The following RAB31 variants were observed in gnomAD, a reference collection of about 807,000 sequenced individuals.
The protein encoded by RAB31 is RAB31, member RAS oncogene family.
In RAB31, 21 loss-of-function variants were observed where a neutral mutation model predicts 25.6. The observed-to-expected ratio is 0.82, with a 90% CI of 0.58 to 1.18. The LOEUF (loss-of-function observed/expected upper bound fraction) is 1.18, where lower values mean the gene tolerates loss of function less well. RAB31 is among the 50% of genes most tolerant of loss of function. The pLI is 0.00. For missense variants in RAB31, 196 were observed against 250.1 expected (o/e 0.78, Z 1.46); for synonymous variants, 87 against 84.0 (o/e 1.04, Z -0.20).
At chr18:9,822,866 A>ATGC (rs2068630712) in intron 5 of RAB31, among the ~76,000 whole-genome samples, 2 of 152,344 alleles carry the variant, frequency 1.3e-5, no homozygotes, top group South Asian at 4.1e-4. Context: ...TTTCTTATAA[A>ATGC]ACTAAACGTG....
intron 5 of RAB31, among the ~76,000 whole-genome samples, chr18:9,844,360 G>C (rs555883503): frequency 1.4e-4 from 22 of 152,312 alleles, no homozygotes; most frequent in African/African-American, 5.3e-4. Context: ...CCGGGAATGT[G>C]TGCACTCTCC....
chr18:9,721,753 C>T (rs1263434050), intron 1 of RAB31, among the ~76,000 whole-genome samples: 2 of 152,070 alleles, frequency 1.3e-5, no homozygotes, highest in African/African-American at 4.8e-5. Context: ...ACAACATGGA[C>T]TGTCCCTGAC....
intron 1 of RAB31, among the ~76,000 whole-genome samples, chr18:9,747,697 G>T (rs1202756464): frequency 1.3e-5 from 2 of 152,210 alleles, no homozygotes; most frequent in African/African-American, 2.4e-5. Context: ...ATTGCCAGGG[G>T]TGGAGAAGGG....
At chr18:9,758,624 C>A (rs1335089673) in intron 1 of RAB31, among the ~76,000 whole-genome samples, 6 of 152,094 alleles carry the variant, frequency 3.9e-5, no homozygotes, top group African/African-American at 1.2e-4. Flanking sequence ...ATGCTACTTC[C>A]CAGTTTACTT....
Position 9,858,837 on chromosome 18 carries a change from G to A in RAB31, c.491-391G>A, listed in dbSNP as rs549068904. Among the ~76,000 whole-genome samples the A allele has an allele frequency of 7.9e-5, 12 of 152,162 alleles. No homozygotes were observed. In the East Asian group the frequency reaches 1.3e-3, roughly 17 times the overall value. On this transcript the variant is annotated intron_variant, in intron 6 of 6. Coordinates refer to ENST00000578921, the MANE Select transcript of RAB31 (RefSeq NM_006868.4). ...TACTCACTGTTACTGTTGAAGTCAC[G>A]GTACCATGAAAGCCGCTCATTAAAC...
At chr18:9,809,538 T>C (rs2068560146) in intron 3 of RAB31, among the ~76,000 whole-genome samples, 1 of 152,168 alleles carries the variant, frequency 6.6e-6, no homozygotes, top group Non-Finnish European at 1.5e-5. Flanking sequence ...GAAACCTTTT[T>C]TCCTGGCCAC....
intron 5 of RAB31, chr18:9,844,867 TGTTTTGTTTTGTTTGAGACGGA>T (rs2068752738): frequency 1.2e-4 from 9 of 77,524 alleles, no homozygotes; most frequent in Non-Finnish European, 2.1e-4. Context: ...TGTTTTGTTT[TGTTTTGTTTTGTTTGAGACGGA>T]GTCTTGCTCT....
rs183173765 is a variant in RAB31, at chr18:9,732,977, A to T, written c.39+24533A>T. ...TGAAACTTGAGGGTAGGTTAAGGGA[A>T]GCAATGGTGATGAGCTGAGCTTTCA... On this transcript the variant is annotated intron_variant, in intron 1 of 6. Coordinates refer to ENST00000578921, the MANE Select transcript of RAB31 (RefSeq NM_006868.4). Among the ~76,000 whole-genome samples, 32 of 152,324 alleles carry T rather than the reference A, an allele frequency of 2.1e-4. No homozygotes were observed. In the East Asian group the frequency reaches 6.0e-3, roughly 28 times the overall value.
chr18:9,752,195 G>A (rs1465593069), intron 1 of RAB31, among the ~76,000 whole-genome samples: 2 of 152,076 alleles, frequency 1.3e-5, no homozygotes, highest in Non-Finnish European at 2.9e-5. Context: ...CTGATTACAT[G>A]TCTGTCTGTG....
chr18:9,810,755 C>T (rs72959346), intron 3 of RAB31, among the ~76,000 whole-genome samples: 4,057 of 152,238 alleles, frequency 0.027, 90 homozygotes, highest in African/African-American at 0.058. Flanking sequence ...GCAGTTTGCT[C>T]CTCTTTGAGC....
chr18:9,802,893 C>T (rs1185262571), intron 3 of RAB31, among the ~76,000 whole-genome samples: 1 of 152,182 alleles, frequency 6.6e-6, no homozygotes, highest in Non-Finnish European at 1.5e-5. Context: ...CTTCAGGGCC[C>T]CAACATCTAT....
chr18:9,715,930 G>C (rs1160523932), intron 1 of RAB31, among the ~76,000 whole-genome samples: 1 of 152,092 alleles, frequency 6.6e-6, no homozygotes, highest in East Asian at 1.9e-4. Context: ...ACTTCAGTAT[G>C]TGTCTTTTAG....
chr18:9,763,640 G>A lies in RAB31; in HGVS notation c.40-11638G>A, dbSNP rs146207220. 5.5e-3 allele frequency among the ~76,000 whole-genome samples: 813 copies of A among 148,656 alleles called. 11 individuals are homozygous for A. Among genetic ancestry groups the A allele is most frequent in the African/African-American group, 0.019 (766 of 40,540 alleles). On this transcript the variant is annotated intron_variant, in intron 1 of 6. Coordinates refer to ENST00000578921, the MANE Select transcript of RAB31 (RefSeq NM_006868.4). ...TATATATATGGTGAAAAAGTTTAAC[G>A]TAGGCATAATTGGAGTTCCAGTAGG...
chr18:9,830,715 G>A (rs2068673851), intron 5 of RAB31: 1 of 152,136 alleles, frequency 6.6e-6, no homozygotes. Context: ...TTGGGGGGAA[G>A]AGCCTAATTT....
intron 2 of RAB31, among the ~76,000 whole-genome samples, chr18:9,776,449 CTG>C (rs1360305446): frequency 6.6e-6 from 1 of 152,100 alleles, no homozygotes; most frequent in African/African-American, 2.4e-5. Flanking sequence ...GAGTACTTGG[CTG>C]ATAGGCCAGT....
At chr18:9,747,121 A>G (rs1319079016) in intron 1 of RAB31, among the ~76,000 whole-genome samples, 3 of 152,230 alleles carry the variant, frequency 2.0e-5, no homozygotes, top group Non-Finnish European at 4.4e-5. Context: ...GACCTTCTCC[A>G]GAGAAGACAT....
chr18:9,786,030 G>A (rs575166647), intron 2 of RAB31, among the ~76,000 whole-genome samples: 1 of 142,380 alleles, frequency 7.0e-6, no homozygotes, highest in South Asian at 2.3e-4. Context: ...TAGCGTGGGC[G>A]ACAGAGTCAG....
At chr18:9,812,317 C>T (rs60946581) in intron 3 of RAB31, among the ~76,000 whole-genome samples, 16,773 of 152,180 alleles carry the variant, frequency 0.11, 1,096 homozygotes, top group East Asian at 0.21. Context: ...TGTCTTCCTG[C>T]GTGTGATGGT....
intron 2 of RAB31, among the ~76,000 whole-genome samples, chr18:9,788,338 G>C (rs1190092947): frequency 6.6e-6 from 1 of 152,066 alleles, no homozygotes; most frequent in East Asian, 1.9e-4. Flanking sequence ...AAAAACCACA[G>C]GAAGATATCA....
Sources: gnomAD v4.1 joint callset for allele counts (sites outside exome capture counted in the v4.1 genomes callset) on GRCh38, gnomAD v4.1.1 for gene constraint, MANE v1.5 for transcripts, NCBI Gene and HGNC (gene_info 2026-07-23, HGNC 2026-07-21) for gene names.